Variants in SPOCK1 observed in about 807,000 individuals in gnomAD.
SPOCK1 encodes the protein SPARC (osteonectin), cwcv and kazal like domains proteoglycan 1, also known as testican-1.
A neutral mutation model predicts 55.3 loss-of-function variants in SPOCK1; 23 were observed. The ratio of observed to expected loss-of-function variants is 0.42; its 90% CI spans 0.30 to 0.59. SPOCK1 has a LOEUF of 0.59. SPOCK1 is among the 20% of genes least tolerant of loss of function. The pLI is 0.22. For missense variants in SPOCK1, 499 were observed against 552.5 expected (o/e 0.90, Z 0.97); for synonymous variants, 226 against 221.0 (o/e 1.02, Z -0.20).
chr5:137,122,643 C>T (rs1278449055), intron 4 of SPOCK1, among the ~76,000 whole-genome samples: 3 of 152,204 alleles, frequency 2.0e-5, no homozygotes, highest in East Asian at 1.9e-4. Flanking sequence ...AGCAAACCCA[C>T]GGCTGAGAAC....
At chr5:137,142,784 C>G (rs1044358398) in intron 3 of SPOCK1, among the ~76,000 whole-genome samples, 1 of 152,188 alleles carries the variant, frequency 6.6e-6, no homozygotes, top group Non-Finnish European at 1.5e-5. Flanking sequence ...CTAAGTGGAA[C>G]TCTTTTGGTT....
intron 6 of SPOCK1, among the ~76,000 whole-genome samples, chr5:137,062,933 A>C (rs1260825117): frequency 6.6e-6 from 1 of 152,158 alleles, no homozygotes; most frequent in Non-Finnish European, 1.5e-5. Context: ...TAATTTAGAG[A>C]TGTAGTAAGA....
intron 2 of SPOCK1, among the ~76,000 whole-genome samples, chr5:137,369,618 G>A (rs924205490): frequency 7.9e-5 from 12 of 152,130 alleles, no homozygotes; most frequent in African/African-American, 1.4e-4. Context: ...TCGGGTTTCC[G>A]TAACAAAATA....
intron 6 of SPOCK1, among the ~76,000 whole-genome samples, chr5:137,052,054 A>G (rs1185917245): frequency 6.6e-6 from 1 of 152,192 alleles, no homozygotes; most frequent in Non-Finnish European, 1.5e-5. Context: ...TCTGCTCAAA[A>G]GAAAGGGGTG....
chr5:137,150,409 A>AG (rs929633411), intron 3 of SPOCK1, among the ~76,000 whole-genome samples: 13 of 152,248 alleles, frequency 8.5e-5, no homozygotes, highest in Non-Finnish European at 1.6e-4. Flanking sequence ...CACACAACAG[A>AG]GCCTTGTACA....
At chr5:137,316,820 CTTATT>C (rs1757888365) in intron 2 of SPOCK1, among the ~76,000 whole-genome samples, 1 of 152,150 alleles carries the variant, frequency 6.6e-6, no homozygotes, top group African/African-American at 2.4e-5. Flanking sequence ...TGTAATTTTT[CTTATT>C]TAACAGTTAG....
intron 4 of SPOCK1, among the ~76,000 whole-genome samples, chr5:137,138,913 A>T (rs966785732): frequency 3.3e-5 from 5 of 152,204 alleles, no homozygotes; most frequent in African/African-American, 1.2e-4. Flanking sequence ...GAAAACCATA[A>T]GCTTTGGAGG....
At chr5:137,449,435 G>T (rs931054988) in intron 2 of SPOCK1, among the ~76,000 whole-genome samples, 12 of 152,132 alleles carry the variant, frequency 7.9e-5, no homozygotes, top group Non-Finnish European at 1.3e-4. Context: ...TGTTTTTTCA[G>T]TCTTAAGCAG....
At chr5:137,168,050 G>T (rs779823706) in intron 3 of SPOCK1, among the ~76,000 whole-genome samples, 1 of 151,804 alleles carries the variant, frequency 6.6e-6, no homozygotes, top group Non-Finnish European at 1.5e-5. Context: ...TTTCTGAAAA[G>T]ATAAACAAAA....
chr5:137,329,140 G>A (rs1347171822), intron 2 of SPOCK1, among the ~76,000 whole-genome samples: 6 of 152,156 alleles, frequency 3.9e-5, no homozygotes, highest in African/African-American at 9.7e-5. Flanking sequence ...CATTGAAAAC[G>A]TGAATAGAAC....
chr5:137,033,100 C>T (rs966021863), intron 6 of SPOCK1, among the ~76,000 whole-genome samples: 4 of 152,260 alleles, frequency 2.6e-5, no homozygotes, highest in African/African-American at 4.8e-5. Flanking sequence ...GAGCTCAGCT[C>T]GGCTATGATG....
chr5:137,359,211 C>A (rs1750888081), intron 2 of SPOCK1, among the ~76,000 whole-genome samples: 1 of 152,312 alleles, frequency 6.6e-6, no homozygotes, highest in East Asian at 1.9e-4. Context: ...ATGACTGTAT[C>A]TTAGAAAGCA....
chr5:137,438,519 G>A (rs1379165813), intron 2 of SPOCK1, among the ~76,000 whole-genome samples: 1 of 152,128 alleles, frequency 6.6e-6, no homozygotes, highest in Non-Finnish European at 1.5e-5. Flanking sequence ...GCCCTGGAAG[G>A]GAATATCTAC....
Position 137,467,799 on chromosome 5 carries a change from C to T in SPOCK1, c.186+30574G>A, listed in dbSNP as rs1289308313. Among the ~76,000 whole-genome samples, 3 of 152,138 alleles carry T rather than the reference C, an allele frequency of 2.0e-5. No individual in the cohort carries two copies. In the East Asian group the frequency reaches 5.8e-4, roughly 29 times the overall value. ...GAAGGTATCTTGCACATGGCAGGGG[C>T]TCAGCAAATGGAAGGGTGGAGGCAG... On this transcript the variant is annotated intron_variant, in intron 2 of 10. Coordinates refer to ENST00000394945, the MANE Select transcript of SPOCK1 (RefSeq NM_004598.4).
intron 6 of SPOCK1, among the ~76,000 whole-genome samples, chr5:137,030,314 G>T (rs1401215535): frequency 6.6e-6 from 1 of 152,228 alleles, no homozygotes; most frequent in Non-Finnish European, 1.5e-5. Context: ...TTGGACAAAT[G>T]AGCGGTTTAA....
At chr5:137,021,641 A>G (rs1295752895) in intron 6 of SPOCK1, among the ~76,000 whole-genome samples, 1 of 152,250 alleles carries the variant, frequency 6.6e-6, no homozygotes, top group East Asian at 1.9e-4. Flanking sequence ...AACTGTATTC[A>G]CAATAATCTG....
chr5:137,462,930 C>T (rs1528969), intron 2 of SPOCK1, among the ~76,000 whole-genome samples: 42,790 of 151,958 alleles, frequency 0.28, 6,051 homozygotes, highest in Middle Eastern at 0.38. Context: ...TCAACAAGTG[C>T]TGATAGTTTC....
intron 6 of SPOCK1, among the ~76,000 whole-genome samples, chr5:137,027,240 G>A (rs573631247): frequency 3.3e-5 from 5 of 152,168 alleles, no homozygotes; most frequent in Admixed American, 6.5e-5. Flanking sequence ...TTGATTTTTT[G>A]TTAGGGGGAA....
chr5:137,401,277 G>C (rs1580905358), intron 2 of SPOCK1, among the ~76,000 whole-genome samples: 1 of 150,948 alleles, frequency 6.6e-6, no homozygotes, highest in African/African-American at 2.5e-5. Context: ...AGAGTCTTGT[G>C]GGGGGCAGGG....
Sources: gnomAD v4.1 joint callset for allele counts (sites outside exome capture counted in the v4.1 genomes callset) on GRCh38, gnomAD v4.1.1 for gene constraint, MANE v1.5 for transcripts, NCBI Gene and HGNC (gene_info 2026-07-23, HGNC 2026-07-21) for gene names.